Variants in ZNF174 observed in about 807,000 individuals in gnomAD.
The protein encoded by ZNF174 is zinc finger protein 174.
In ZNF174, 30 loss-of-function variants were observed where a neutral mutation model predicts 38.7. That is an observed-to-expected ratio of 0.78 (90% CI 0.58 to 1.05). ZNF174 has a LOEUF of 1.05. ZNF174 is among the 50% of genes least tolerant of loss of function. ZNF174 has a pLI of 0.00. For synonymous variants in ZNF174, 201 were observed against 181.7 expected, an observed-to-expected ratio of 1.11 and a Z score of -0.86; for missense variants, 499 against 495.6, an observed-to-expected ratio of 1.01 and a Z score of -0.06.
rs757613952 is a variant in ZNF174 at position 3,404,491 on chromosome 16, G to A, written c.468G>A (p.Gln156=). Residue 156 remains glutamine (Q), a synonymous_variant, in exon 2 of 3, where the codon CAG becomes CAA. Transcript: ENST00000268655. ...AAACTGGATCTCAGCTTGGAGAACA[G>A]GAACTGCCAGACTTTCAACCGCAGA... ...LEKTGSQLGE[Q]ELPDFQPQTP... 193 of 1,613,414 alleles carry A rather than the reference G, an allele frequency of 1.2e-4. No individual in the cohort carries two copies. Among genetic ancestry groups the A allele is most frequent in the Non-Finnish European group, 1.5e-4 (178 of 1,179,470 alleles).
intron 2 of ZNF174, among the ~76,000 whole-genome samples, chr16:3,406,261 G>A (rs546113437): frequency 6.6e-6 from 1 of 152,304 alleles, no homozygotes; most frequent in Admixed American, 6.5e-5. Flanking sequence ...CTATAAATGT[G>A]TGTTTTTGTG....
chr16:3,402,286 C>A lies in ZNF174; in HGVS notation c.282C>A (p.Phe94Leu). Residue 94 changes from phenylalanine to leucine, a missense_variant, in exon 1 of 3, where the codon TTC becomes TTA. Transcript: ENST00000268655. ...QILELLVMEQ[F>L]LTILPPEIQA... ...TGGAGCTTCTGGTGATGGAGCAGTTCCTGACCATCCTGCCCCCGGAGATCC... is the reference window on the plus strand; with the variant it reads ...TGGAGCTTCTGGTGATGGAGCAGTTACTGACCATCCTGCCCCCGGAGATCC... 6.2e-7 allele frequency: 1 copy of A among 1,614,066 alleles called. No homozygotes were observed. The highest frequency in any genetic ancestry group is 8.5e-7 in the Non-Finnish European group (1 of 1,180,016).
chr16:3,408,230 C>G, intron 2 of ZNF174, 91 bp from the exon 3 acceptor site: 1 of 1,336,870 alleles, frequency 7.5e-7, no homozygotes, highest in Non-Finnish European at 1.0e-6. Flanking sequence ...GGAGGGCCAC[C>G]CTTTGAGAAA....
rs150243395 is a variant in ZNF174 at position 3,402,302 on chromosome 16, C to T, written c.298C>T (p.Pro100Ser). The change falls in exon 1 of 3, where the codon CCG becomes TCG. Residue 100 changes from proline to serine, a missense_variant. Physicochemically the swap from Pro to Ser is moderately conservative, Grantham distance 74. Transcript: ENST00000268655. ...GGAGCAGTTCCTGACCATCCTGCCC[C>T]CGGAGATCCAGGCTCGGGTCAGGCA... Reference protein sequence around the residue: ...VMEQFLTILPPEIQARVRHRC... With the variant: ...VMEQFLTILPSEIQARVRHRC... The T allele has an allele frequency of 6.6e-5, 106 of 1,613,984 alleles. No individual in the cohort carries two copies. The highest frequency in any genetic ancestry group is 8.6e-5 in the Non-Finnish European group (102 of 1,180,018).
chr16:3,404,680 C>T (rs1051924984), intron 2 of ZNF174, 32 bp downstream of exon 2: 2 of 1,611,548 alleles, frequency 1.2e-6, no homozygotes, highest in African/African-American at 1.3e-5. Flanking sequence ...TCCCTCTCAT[C>T]AGCCCTTTAT....
chr16:3,404,586 G>T lies in ZNF174; in HGVS notation c.563G>T (p.Ser188Ile). Reference sequence around the variant, plus strand: ...CAGGCAGGAGCTTATGACCGGCTGAGCCCCCATCATTGGGAGAAATCCCCA... The same window carrying T: ...CAGGCAGGAGCTTATGACCGGCTGATCCCCCATCATTGGGAGAAATCCCCA... ...PSQAGAYDRL[S>I]PHHWEKSPLL... The change falls in exon 2 of 3, where the codon AGC becomes ATC. Residue 188 changes from serine to isoleucine, a missense_variant. Coordinates refer to ENST00000268655, the MANE Select transcript of ZNF174 (RefSeq NM_003450.3). 6.2e-7 allele frequency: 1 copy of T among 1,614,180 alleles called. No individual in the cohort carries two copies. Among genetic ancestry groups the T allele is most frequent in the African/African-American group, 1.3e-5 (1 of 75,044 alleles).
intron 1 of ZNF174, 133 bp from the exon 2 acceptor site, chr16:3,404,293 G>A: frequency 1.2e-6 from 1 of 859,236 alleles, no homozygotes. Flanking sequence ...GAGGGTTTCA[G>A]TGGTTTCTAT....
chr16:3,404,149 A>G (rs563779479), intron 1 of ZNF174, among the ~76,000 whole-genome samples: 3 of 152,050 alleles, frequency 2.0e-5, no homozygotes, highest in Non-Finnish European at 2.9e-5. Flanking sequence ...TGACCCTGAT[A>G]TTTGTGCCAG....
intron 2 of ZNF174, among the ~76,000 whole-genome samples, chr16:3,406,076 G>C (rs1229753905): frequency 1.3e-5 from 2 of 152,206 alleles, no homozygotes; most frequent in Admixed American, 1.3e-4. Flanking sequence ...CTTTCACTGA[G>C]CATGTTTTCA....
rs963647436 is a variant in ZNF174, at chr16:3,401,922, C to G, written c.-83C>G. On this transcript the variant is annotated 5_prime_UTR_variant, in exon 1 of 3. Coordinates refer to ENST00000268655, the MANE Select transcript of ZNF174 (RefSeq NM_003450.3). ...GAGAACCTTCGTTTCTAGAATCTTT[C>G]TAGTATTCAGAGACTTCTCCAGGGT... is the stretch of plus-strand genomic sequence containing the variant. 18 of 1,506,576 alleles carry G rather than the reference C, an allele frequency of 1.2e-5. No homozygotes were observed. The highest frequency in any genetic ancestry group is 6.6e-5 in the Admixed American group (3 of 45,794). The allele number at this position is 1,506,576 out of a possible 1,614,324, so 93.3% of individuals were successfully genotyped here.
intron 1 of ZNF174, among the ~76,000 whole-genome samples, chr16:3,403,797 G>A (rs749529321): frequency 1.6e-4 from 25 of 152,246 alleles, no homozygotes; most frequent in African/African-American, 4.6e-4. Flanking sequence ...CTAGCTTATT[G>A]TCTTTGGATC....
At chr16:3,407,670 T>C (rs61551586) in intron 2 of ZNF174, among the ~76,000 whole-genome samples, 3,270 of 152,334 alleles carry the variant, frequency 0.021, 125 homozygotes, top group African/African-American at 0.076. Flanking sequence ...CAAGGGATCC[T>C]TCTCCAGATC....
intron 2 of ZNF174, chr16:3,405,051 G>GTCCTCC: frequency 1.3e-6 from 2 of 1,582,842 alleles, no homozygotes. Flanking sequence ...TTATATCTTT[G>GTCCTCC]TCCTCCTCTG....
chr16:3,402,452 TC>T lies in ZNF174; in HGVS notation c.402+47del, dbSNP rs367819094. ...TCATCCTGGGGATTTCTTTTTCTTT[TC>T]TTTTTTTTTTTTTTTCTTTTTTTGA... is the stretch of plus-strand genomic sequence containing the variant. On this transcript the variant is annotated intron_variant, in intron 1 of 2. Coordinates refer to ENST00000268655, the MANE Select transcript of ZNF174 (RefSeq NM_003450.3). 11 of 1,405,010 alleles carry T rather than the reference TC, an allele frequency of 7.8e-6. No individual in the cohort carries two copies. In the African/African-American group the frequency reaches 1.3e-4, roughly 16 times the overall value. 87.0% of individuals were successfully genotyped at this position (1,405,010 alleles called of 1,614,324 possible). A position where few individuals can be genotyped will look rare whatever the true frequency, so the allele number is the denominator to read the frequency against.
intron 2 of ZNF174, chr16:3,404,928 A>C (rs1200819609): frequency 6.2e-7 from 1 of 1,614,214 alleles, no homozygotes; most frequent in East Asian, 2.2e-5. Flanking sequence ...TAGAAAAGAC[A>C]GATCCAAATA....
Position 3,404,759 on chromosome 16 carries a change from T to C in ZNF174, c.625+111T>C, listed in dbSNP as rs1267993683. The C allele has an allele frequency of 3.3e-6, 5 of 1,504,368 alleles. No individual in the cohort carries two copies. The Admixed American group carries it at 5.7e-5, about 17-fold the overall frequency. 93.2% of individuals were successfully genotyped at this position (1,504,368 alleles called of 1,614,324 possible). A position where few individuals can be genotyped will look rare whatever the true frequency, so the allele number is the denominator to read the frequency against. ...TGTGTGTGTTTTTTTAAATGTTATA[T>C]ATAATAGTAGATGATTATTCACTAA... On this transcript the variant is annotated intron_variant, in intron 2 of 2. Coordinates refer to ENST00000268655, the MANE Select transcript of ZNF174 (RefSeq NM_003450.3).
chr16:3,402,451 TTC>T (rs373678125), intron 1 of ZNF174, 45 bp downstream of exon 1: 1 of 1,414,396 alleles, frequency 7.1e-7, no homozygotes, highest in Non-Finnish European at 9.4e-7. Flanking sequence ...TCTTTTTCTT[TTC>T]TTTTTTTTTT....
At chr16:3,408,269 G>C (rs1402711279) in intron 2 of ZNF174, 52 bp from the exon 3 acceptor site, 5 of 1,500,692 alleles carry the variant, frequency 3.3e-6, no homozygotes, top group Non-Finnish European at 4.5e-6. Context: ...AACTCTTGCT[G>C]AAGTTATTTC....
Position 3,409,328 on chromosome 16 carries a change from G to A in ZNF174, c.*409G>A, listed in dbSNP as rs2034096854. 2 of 169,068 alleles carry A rather than the reference G, an allele frequency of 1.2e-5. No individual in the cohort carries two copies. Among genetic ancestry groups the A allele is most frequent in the South Asian group, 1.4e-4 (1 of 7,224 alleles). The allele number at this position is 169,068 out of a possible 1,614,324, so 10.5% of individuals were successfully genotyped here. ...CATACCAGACAATTTTTTATCATGA[G>A]CACACTTCTTTAATAAAGATGAGTG... On this transcript the variant is annotated 3_prime_UTR_variant, in exon 3 of 3. Coordinates refer to ENST00000268655, the MANE Select transcript of ZNF174 (RefSeq NM_003450.3).
Sources: gnomAD v4.1 joint callset for allele counts (sites outside exome capture counted in the v4.1 genomes callset) on GRCh38, gnomAD v4.1.1 for gene constraint, MANE v1.5 for transcripts, NCBI Gene and HGNC (gene_info 2026-07-23, HGNC 2026-07-21) for gene names.